DMD: variants seen among roughly 807,000 people sequenced by gnomAD.
DMD encodes the protein dystrophin.
DMD carries 63 observed loss-of-function variants against 330.1 expected under a neutral mutation model. The ratio of observed to expected loss-of-function variants is 0.19; its 90% confidence interval spans 0.16 to 0.24. The LOEUF is 0.24. DMD is among the 10% of genes least tolerant of loss of function. The pLI is 1.00. For missense variants in DMD, 3,344 were observed against 2,684.1 expected (o/e 1.25, Z -5.43); for synonymous variants, 1,223 against 959.8 (o/e 1.27, Z -5.07).
intron 63 of DMD, among the ~76,000 whole-genome samples, chrX:31,227,142 C>T (rs1483666577): frequency 9.0e-6 from 1 of 110,935 alleles, no homozygotes; most frequent in East Asian, 2.8e-4. Flanking sequence ...TCTTATGACC[C>T]CAATTCTACC....
rs370638647 is a variant in DMD, at chrX:31,444,652, T to C, written c.8938-25A>G. 2.2e-5 allele frequency: 27 copies of C among 1,206,078 alleles called. No homozygotes were observed. The African/African-American group carries it at 2.3e-4, about 10-fold the overall frequency. On this transcript the variant is annotated intron_variant, in intron 59 of 78. Coordinates refer to ENST00000357033, the MANE Select transcript of DMD (RefSeq NM_004006.3). Reference sequence around the variant, plus strand: ...CCTGTGTGCAATAGTCAAAAGCAAATTGGAAGATGAGAATATTTAAAACAA... The same window carrying C: ...CCTGTGTGCAATAGTCAAAAGCAAACTGGAAGATGAGAATATTTAAAACAA...
intron 74 of DMD, among the ~76,000 whole-genome samples, chrX:31,151,890 T>C (rs1309788626): frequency 3.6e-5 from 4 of 112,181 alleles, no homozygotes; most frequent in African/African-American, 6.5e-5. Flanking sequence ...GTAAGGTATA[T>C]TGTAGAGCCT....
At chrX:32,181,755 A>T (rs1476099250) in intron 44 of DMD, among the ~76,000 whole-genome samples, 1 of 111,305 alleles carries the variant, frequency 9.0e-6, no homozygotes, top group Non-Finnish European at 1.9e-5. Flanking sequence ...ATGACAAGGA[A>T]ATTCCTAAAA....
At chrX:31,672,030 G>C (rs975326709) in intron 53 of DMD, among the ~76,000 whole-genome samples, 3 of 111,254 alleles carry the variant, frequency 2.7e-5, no homozygotes, top group African/African-American at 6.5e-5. Flanking sequence ...TTTAAATATA[G>C]GTATTTATAG....
chrX:32,418,972 C>CAAAAAAAAAAAAAAAAAAA lies in DMD; in HGVS notation c.4072-7078_4072-7060dup, dbSNP rs1160282195. ...TGGGTGACAGAGTGAGACTCTGTCT[C>CAAAAAAAAAAAAAAAAAAA]AAAAAAAAAAAAAAAAAAAAAAAAA... On this transcript the variant is annotated intron_variant, in intron 29 of 78. Coordinates refer to ENST00000357033, the MANE Select transcript of DMD (RefSeq NM_004006.3). 4.7e-3 allele frequency among the ~76,000 whole-genome samples: 64 copies of CAAAAAAAAAAAAAAAAAAA among 13,494 alleles called. 2 individuals carry two copies. Among genetic ancestry groups the CAAAAAAAAAAAAAAAAAAA allele is most frequent in the Non-Finnish European group, 7.8e-3 (52 of 6,707 alleles). The allele number at this position is 13,494 out of a possible 115,157, so 11.7% of individuals were successfully genotyped here. A position where few individuals can be genotyped will look rare whatever the true frequency, so the allele number is the denominator to read the frequency against.
intron 28 of DMD, among the ~76,000 whole-genome samples, chrX:32,440,748 C>T (rs1419990123): frequency 3.6e-5 from 4 of 111,626 alleles, no homozygotes; most frequent in African/African-American, 9.7e-5. Flanking sequence ...TAACTCAAAA[C>T]ATTCCGTAAG....
At chrX:33,316,629 C>T (rs1386181789) in intron 1 of DMD, among the ~76,000 whole-genome samples, 1 of 111,233 alleles carries the variant, frequency 9.0e-6, no homozygotes, top group Non-Finnish European at 1.9e-5. Context: ...ATCAGTTTGG[C>T]ATAATAATTT....
chrX:31,539,007 T>G (rs1392247196), intron 55 of DMD, among the ~76,000 whole-genome samples: 1 of 112,133 alleles, frequency 8.9e-6, no homozygotes, highest in African/African-American at 3.2e-5. Context: ...GGGATGATTA[T>G]TCTCGTATTC....
At chrX:32,760,815 G>A (rs2072178891) in intron 7 of DMD, among the ~76,000 whole-genome samples, 1 of 111,476 alleles carries the variant, frequency 9.0e-6, no homozygotes, top group African/African-American at 3.3e-5. Flanking sequence ...TGGGTTCCTA[G>A]CATGATACCT....
chrX:32,860,607 T>A (rs1486770322), intron 2 of DMD, among the ~76,000 whole-genome samples: 5 of 110,287 alleles, frequency 4.5e-5, no homozygotes, highest in Admixed American at 3.9e-4. Flanking sequence ...TAAATATGAG[T>A]TGGAAAAGGT....
intron 1 of DMD, among the ~76,000 whole-genome samples, chrX:33,241,632 C>G (rs2052587891): frequency 8.9e-6 from 1 of 112,409 alleles, no homozygotes; most frequent in Non-Finnish European, 1.9e-5. Context: ...GGAATTTTAA[C>G]AATATTAATT....
At chrX:32,558,391 G>T (rs2050567087) in intron 16 of DMD, among the ~76,000 whole-genome samples, 1 of 111,812 alleles carries the variant, frequency 8.9e-6, no homozygotes, top group African/African-American at 3.2e-5. Flanking sequence ...TATAGGCTTA[G>T]GAAAAAGACT....
chrX:33,192,627 T>G (rs1020844670), intron 1 of DMD, among the ~76,000 whole-genome samples: 1 of 112,241 alleles, frequency 8.9e-6, no homozygotes, highest in African/African-American at 3.2e-5. Flanking sequence ...GTTTTCAAAT[T>G]TAAGCCAGAG....
intron 7 of DMD, among the ~76,000 whole-genome samples, chrX:32,736,250 A>T (rs967470958): frequency 2.7e-5 from 3 of 111,600 alleles, no homozygotes; most frequent in African/African-American, 9.8e-5. Flanking sequence ...GGCGATCATT[A>T]AAAAGTCAGG....
chrX:32,174,997 G>A (rs1214327732), intron 44 of DMD, among the ~76,000 whole-genome samples: 4 of 111,968 alleles, frequency 3.6e-5, no homozygotes, highest in African/African-American at 6.5e-5. Flanking sequence ...AGTATGGAGA[G>A]TTGAAGGTTG....
At chrX:32,394,969 G>C (rs1176976072) in intron 30 of DMD, among the ~76,000 whole-genome samples, 2 of 97,847 alleles carry the variant, frequency 2.0e-5, no homozygotes, top group Non-Finnish European at 4.0e-5. Flanking sequence ...CACCACCACA[G>C]ATATTTGTGG....
intron 55 of DMD, among the ~76,000 whole-genome samples, chrX:31,569,724 T>A (rs928483192): frequency 2.9e-5 from 3 of 102,699 alleles, no homozygotes; most frequent in Non-Finnish European, 6.0e-5. Flanking sequence ...GTAACTAACA[T>A]CTTACTAATT....
At chrX:32,411,381 A>T (rs2098141275) in intron 30 of DMD, among the ~76,000 whole-genome samples, 1 of 111,201 alleles carries the variant, frequency 9.0e-6, no homozygotes, top group African/African-American at 3.3e-5. Flanking sequence ...CGTGGGCCTC[A>T]GCATCCCAAA....
At chrX:33,181,364 T>C (rs58843483) in intron 1 of DMD, among the ~76,000 whole-genome samples, 5,678 of 110,908 alleles carry the variant, frequency 0.051, 293 homozygotes, top group East Asian at 0.29. Flanking sequence ...AAATGACTGG[T>C]CTCTATATCA....
Sources: gnomAD v4.1 joint callset for allele counts (sites outside exome capture counted in the v4.1 genomes callset) on GRCh38, gnomAD v4.1.1 for gene constraint, MANE v1.5 for transcripts, NCBI Gene and HGNC (gene_info 2026-07-23, HGNC 2026-07-21) for gene names.